Variants in ACER3 observed in about 807,000 individuals in gnomAD.
ACER3 encodes the protein alkCDase 3.
Under a neutral mutation model 48.9 loss-of-function variants are expected in ACER3, and 16 were observed. That is an observed-to-expected ratio of 0.33 (90% CI 0.22 to 0.50). The LOEUF is 0.50. Among genes scored for constraint, ACER3 ranks in the 20% least tolerant of loss-of-function variants. ACER3 has a pLI of 0.98. For missense variants in ACER3, 227 were observed against 326.0 expected, an observed-to-expected ratio of 0.70 and a Z score of 2.34; for synonymous variants, 109 against 107.8, an observed-to-expected ratio of 1.01 and a Z score of -0.07.
intron 3 of ACER3, among the ~76,000 whole-genome samples, chr11:76,975,874 C>CTTTTTTTT (rs34786738): frequency 1.3e-4 from 11 of 82,772 alleles, no homozygotes; most frequent in African/African-American, 4.9e-4. Flanking sequence ...TTTTTCTTTT[C>CTTTTTTTT]TTTTTTTTTT....
chr11:76,894,723 A>G (rs530115983), intron 1 of ACER3, among the ~76,000 whole-genome samples: 157 of 152,362 alleles, frequency 1.0e-3, no homozygotes, highest in African/African-American at 3.3e-3. Flanking sequence ...AAAATATTGC[A>G]AAGATGTCAC....
At chr11:76,966,219 T>C (rs1332710479) in intron 3 of ACER3, among the ~76,000 whole-genome samples, 1 of 151,906 alleles carries the variant, frequency 6.6e-6, no homozygotes, top group Admixed American at 6.6e-5. Context: ...AGAAGGCCAT[T>C]ACATAATGGT....
chr11:76,973,978 A>T (rs1450386149), intron 3 of ACER3, among the ~76,000 whole-genome samples: 1 of 152,200 alleles, frequency 6.6e-6, no homozygotes, highest in Admixed American at 6.5e-5. Context: ...TGTTGAAAAG[A>T]CTGTTCTTTC....
At chr11:76,983,426 C>T (rs1333745259) in intron 4 of ACER3, among the ~76,000 whole-genome samples, 1 of 152,078 alleles carries the variant, frequency 6.6e-6, no homozygotes, top group Non-Finnish European at 1.5e-5. Context: ...AAGCCATCCT[C>T]CTACTTAGCC....
At chr11:77,016,439 TATGAG>T (rs1446094773) in intron 8 of ACER3, among the ~76,000 whole-genome samples, 1 of 152,172 alleles carries the variant, frequency 6.6e-6, no homozygotes, top group Non-Finnish European at 1.5e-5. Context: ...TTCAAAAAGA[TATGAG>T]AGAGAGAAGT....
chr11:76,967,525 T>C (rs1948170641), intron 3 of ACER3, among the ~76,000 whole-genome samples: 1 of 152,168 alleles, frequency 6.6e-6, no homozygotes, highest in Non-Finnish European at 1.5e-5. Flanking sequence ...TGATGAACAT[T>C]GAGGCAAAAA....
At chr11:77,016,422 G>A (rs558755599) in intron 8 of ACER3, among the ~76,000 whole-genome samples, 279 of 152,148 alleles carry the variant, frequency 1.8e-3, no homozygotes, top group African/African-American at 6.4e-3. Flanking sequence ...TAGTATCTGG[G>A]ATTTGCTTCA....
intron 4 of ACER3, among the ~76,000 whole-genome samples, chr11:76,984,034 C>A (rs1948639773): frequency 6.6e-6 from 1 of 151,750 alleles, no homozygotes; most frequent in South Asian, 2.1e-4. Flanking sequence ...GTGATCTACC[C>A]ACCTCGGCCT....
chr11:76,950,401 AT>A (rs1947627332), intron 2 of ACER3, among the ~76,000 whole-genome samples: 2 of 31,042 alleles, frequency 6.4e-5, no homozygotes, highest in African/African-American at 2.0e-4. Flanking sequence ...ATATATATAT[AT>A]ATATATATAA....
In ACER3 at chr11:76,987,520, C is replaced by T. The variant is rs80168400; in HGVS notation, c.402+1796C>T. Among the ~76,000 whole-genome samples the T allele has an allele frequency of 1.6e-3, 239 of 152,218 alleles. 1 individual carries two copies. Among genetic ancestry groups the T allele is most frequent in the African/African-American group, 5.6e-3 (234 of 41,528 alleles). ...AATGTGTTAAGATTGAGGTGCCTGA[C>T]ATTAATTACATCTGAGGCTTTACAG... On this transcript the variant is annotated intron_variant, in intron 5 of 10. Transcript: ENST00000532485.
intron 1 of ACER3, among the ~76,000 whole-genome samples, chr11:76,908,103 G>C (rs1946280332): frequency 6.6e-6 from 1 of 151,640 alleles, no homozygotes; most frequent in African/African-American, 2.4e-5. Flanking sequence ...GGGCATGGTG[G>C]CACATGCCTG....
At chr11:76,974,651 G>A (rs1214095289) in intron 3 of ACER3, among the ~76,000 whole-genome samples, 1 of 152,066 alleles carries the variant, frequency 6.6e-6, no homozygotes, top group African/African-American at 2.4e-5. Flanking sequence ...CTTAAGTAGA[G>A]GAAACAGCAC....
chr11:76,945,674 G>T (rs553527906), intron 2 of ACER3, among the ~76,000 whole-genome samples: 1 of 152,294 alleles, frequency 6.6e-6, no homozygotes, highest in East Asian at 1.9e-4. Flanking sequence ...CTGGAGGGCT[G>T]ATTCTTGGGC....
chr11:76,917,629 G>A (rs1159014329), intron 1 of ACER3, among the ~76,000 whole-genome samples: 2 of 152,066 alleles, frequency 1.3e-5, no homozygotes, highest in African/African-American at 4.8e-5. Context: ...GGCCAAGGTG[G>A]GAGGATTGCT....
intron 2 of ACER3, among the ~76,000 whole-genome samples, chr11:76,935,772 G>A (rs1210549187): frequency 6.6e-6 from 1 of 152,102 alleles, no homozygotes; most frequent in Non-Finnish European, 1.5e-5. Context: ...GTCATATGTT[G>A]CAATTTAAAT....
In ACER3 at chr11:76,927,043, C is replaced by A. The variant is rs577571493; in HGVS notation, c.214+376C>A. On this transcript the variant is annotated intron_variant, in intron 2 of 10. Transcript: ENST00000532485. ...TATTCCTCCCTGATTGTATCCCCCT[C>A]AGCCTCCCAGCCCATCCCCTAAGAG... 1.1e-4 allele frequency among the ~76,000 whole-genome samples: 17 copies of A among 152,282 alleles called. 1 individual carries two copies. The South Asian group carries it at 3.3e-3, about 30-fold the overall frequency.
intron 6 of ACER3, among the ~76,000 whole-genome samples, chr11:76,996,429 A>ATTATTT (rs1265844861): frequency 8.5e-6 from 1 of 118,174 alleles, no homozygotes; most frequent in East Asian, 2.2e-4. Flanking sequence ...TATTATTATT[A>ATTATTT]TTTTTTGAGA....
At chr11:76,886,375 T>G (rs1285821378) in intron 1 of ACER3, among the ~76,000 whole-genome samples, 4 of 152,216 alleles carry the variant, frequency 2.6e-5, no homozygotes, top group African/African-American at 9.7e-5. Context: ...TGGCTTTTAT[T>G]TTATTTGCAG....
chr11:77,020,498 G>T lies in ACER3; in HGVS notation c.*171G>T. On this transcript the variant is annotated 3_prime_UTR_variant, in exon 11 of 11. Transcript: ENST00000532485. ...AGAGAATAAGGAGTAGGGCCTGCTG[G>T]GTGTTTAGCTCATGGCTTTATCTTA... 1.6e-6 allele frequency: 1 copy of T among 644,810 alleles called. No homozygotes were observed. The highest frequency in any genetic ancestry group is 2.0e-5 in the South Asian group (1 of 50,458). The allele number at this position is 644,810 out of a possible 1,614,324, so 39.9% of individuals were successfully genotyped here. A position where few individuals can be genotyped will look rare whatever the true frequency, so the allele number is the denominator to read the frequency against.
Sources: allele counts gnomAD v4.1 joint callset (sites outside exome capture counted in the v4.1 genomes callset), GRCh38; gene constraint gnomAD v4.1.1; transcripts MANE v1.5; gene names NCBI Gene and HGNC (gene_info 2026-07-23, HGNC 2026-07-21).